Variants in SLC7A8 observed in about 807,000 individuals in gnomAD.
SLC7A8 encodes the protein solute carrier family 7 member 8, also known as large neutral amino acids transporter small subunit 2.
Under a neutral mutation model 51.2 loss-of-function variants are expected in SLC7A8, and 30 were observed. The ratio of observed to expected loss-of-function variants is 0.59; its 90% confidence interval spans 0.44 to 0.80. SLC7A8 has a LOEUF of 0.80. Ranked by LOEUF, SLC7A8 falls within the 30% of genes least tolerant of loss-of-function variation. SLC7A8 has a pLI of 0.00. For synonymous variants in SLC7A8, 257 were observed against 275.8 expected (o/e 0.93, Z 0.67); for missense variants, 612 against 674.4 (o/e 0.91, Z 1.03).
chr14:23,178,753 A>C (rs904090766), intron 1 of SLC7A8, among the ~76,000 whole-genome samples: 4 of 150,210 alleles, frequency 2.7e-5, no homozygotes, highest in Non-Finnish European at 4.4e-5. Context: ...GTCTCTAAAA[A>C]AAATTAAAAA....
chr14:23,161,478 G>C (rs969243983), intron 3 of SLC7A8, among the ~76,000 whole-genome samples: 1 of 79,824 alleles, frequency 1.3e-5, no homozygotes, highest in Non-Finnish European at 4.0e-5. Context: ...ATATGTTTAC[G>C]CCACACCGGA....
intron 3 of SLC7A8, among the ~76,000 whole-genome samples, chr14:23,144,341 ATTT>A (rs67517828): frequency 0.051 from 5,842 of 114,006 alleles, 423 homozygotes; most frequent in African/African-American, 0.17. Flanking sequence ...TTTAAACACA[ATTT>A]TTTTTTTTTT....
rs932424496 is a variant in SLC7A8 at position 23,155,513 on chromosome 14, G to A, written c.508+9772C>T. ...ATACCCAGCTCAGCATTTTCCAAGA[G>A]CTGAGTAGTTCTCTCTTCAGCATGA... On this transcript the variant is annotated intron_variant, in intron 3 of 10. Transcript: ENST00000316902. 1.8e-5 allele frequency: 25 copies of A among 1,379,512 alleles called. No individual in the cohort carries two copies. The African/African-American group carries it at 3.7e-4, about 20-fold the overall frequency. The allele number at this position is 1,379,512 out of a possible 1,614,324, so 85.5% of individuals were successfully genotyped here.
rs1319916247 is a variant in SLC7A8, at chr14:23,183,497, C to A, written c.-583G>T. ...TTGCTCTAGATCTGGTTTCCACCTGCTTTGGGTTTCTTTTCCCTTCCCCGT... is the reference window on the plus strand; with the variant it reads ...TTGCTCTAGATCTGGTTTCCACCTGATTTGGGTTTCTTTTCCCTTCCCCGT... On this transcript the variant is annotated 5_prime_UTR_variant, in exon 1 of 11. Transcript: ENST00000316902. 1 of 152,186 alleles carries A rather than the reference C, an allele frequency of 6.6e-6. No homozygotes were observed. Among genetic ancestry groups the A allele is most frequent in the Non-Finnish European group, 1.5e-5 (1 of 68,088 alleles). 9.4% of individuals were successfully genotyped at this position (152,186 alleles called of 1,614,324 possible). A position where few individuals can be genotyped will look rare whatever the true frequency, so the allele number is the denominator to read the frequency against.
At position 23,128,999 on chromosome 14, in the gene SLC7A8, A is replaced by T. The variant is rs2140300078; in HGVS notation, c.1263+651T>A. On this transcript the variant is annotated intron_variant, in intron 9 of 10. Transcript: ENST00000316902. The surrounding 1 kb of genome is among the most constrained non-coding windows in gnomAD (Gnocchi z 4.3). ...GTTTCTAGAATAGGATTGTTCAAAT[A>T]GCTCTGGAGTACACTCTATTCTTCT... 6.6e-6 allele frequency among the ~76,000 whole-genome samples: 1 copy of T among 152,366 alleles called. No homozygotes were observed. Among genetic ancestry groups the T allele is most frequent in the Admixed American group, 6.5e-5 (1 of 15,308 alleles).
chr14:23,154,288 T>C, intron 3 of SLC7A8: 1 of 1,000,348 alleles, frequency 1.0e-6, no homozygotes, highest in Non-Finnish European at 1.2e-6. Flanking sequence ...TTCTCTGCCT[T>C]CTGCCACGCT....
rs2048581686 is a variant in SLC7A8, at chr14:23,126,876, G to C, written c.*301C>G. ...TCCGGTTCCTGAAGAGGCAGCTGAG[G>C]GTGTGGCCCGGAGGGAGGTCCTGCA... is the stretch of plus-strand genomic sequence containing the variant. On this transcript the variant is annotated 3_prime_UTR_variant, in exon 11 of 11. Transcript: ENST00000316902. The C allele has an allele frequency of 7.0e-6, 3 of 426,172 alleles. No individual in the cohort carries two copies. Among genetic ancestry groups the C allele is most frequent in the South Asian group, 6.0e-5 (2 of 33,460 alleles). The allele number at this position is 426,172 out of a possible 1,614,324, so 26.4% of individuals were successfully genotyped here.
chr14:23,174,295 A>G (rs998623952), intron 1 of SLC7A8, among the ~76,000 whole-genome samples: 3 of 152,256 alleles, frequency 2.0e-5, no homozygotes, highest in Non-Finnish European at 4.4e-5. Flanking sequence ...GCACCTTTAA[A>G]ACGTGGAGAC....
intron 1 of SLC7A8, among the ~76,000 whole-genome samples, chr14:23,181,280 A>T (rs538674546): frequency 1.7e-4 from 26 of 152,336 alleles, no homozygotes; most frequent in Non-Finnish European, 3.1e-4. Flanking sequence ...GAGATAAAGT[A>T]AAGGAGAGGC....
intron 7 of SLC7A8, 148 bp downstream of exon 7, chr14:23,137,773 G>T: frequency 1.1e-6 from 1 of 928,582 alleles, no homozygotes; most frequent in Non-Finnish European, 1.6e-6. Context: ...TGACACACAC[G>T]CCCTCATGTG....
At position 23,151,939 on chromosome 14, in the gene SLC7A8, T is replaced by C. The variant is rs910292334; in HGVS notation, c.509-8735A>G. Among the ~76,000 whole-genome samples the C allele has an allele frequency of 4.0e-5, 6 of 151,698 alleles. No homozygotes were observed. In the South Asian group the frequency reaches 1.3e-3, roughly 32 times the overall value. On this transcript the variant is annotated intron_variant, in intron 3 of 10. Transcript: ENST00000316902. The stretch of plus-strand genomic sequence containing the variant: ...ATTAGCATGCCTGTAATGCCAGCTA[T>C]TCGGGAGGCTGAGAATCACTTGAAC...
chr14:23,154,117 A>C, intron 3 of SLC7A8: 1 of 343,560 alleles, frequency 2.9e-6, no homozygotes, highest in Non-Finnish European at 4.1e-6. Flanking sequence ...CAGTGACGCC[A>C]CTTTGTAGAA....
Position 23,129,731 on chromosome 14 carries a change from G to C in SLC7A8, c.1182C>G (p.Ile394Met). Reference sequence around the variant, plus strand: ...CCGTGACCCCATAGAAGAGGTAGTTGATGAAGCCCACATAGTTGATGAGTG... The same window carrying C: ...CCGTGACCCCATAGAAGAGGTAGTTCATGAAGCCCACATAGTTGATGAGTG... The part of the protein sequence containing the change: ...MYTLINYVGF[I>M]NYLFYGVTVA... The change falls in exon 9 of 11, where the codon ATC becomes ATG. Residue 394 changes from isoleucine (I) to methionine (M), a missense_variant. Physicochemically the swap from Ile to Met is conservative, Grantham distance 10. Coordinates refer to ENST00000316902, the MANE Select transcript of SLC7A8 (RefSeq NM_012244.4). 1.2e-6 allele frequency: 2 copies of C among 1,614,204 alleles called. No homozygotes were observed. The highest frequency in any genetic ancestry group is 4.5e-5 in the East Asian group (2 of 44,880).
intron 5 of SLC7A8, 74 bp downstream of exon 5, chr14:23,140,397 C>A (rs1364953273): frequency 2.0e-6 from 3 of 1,488,564 alleles, no homozygotes; most frequent in African/African-American, 2.8e-5. Flanking sequence ...GCAATGGACA[C>A]CTGCTCCCTC....
At chr14:23,168,130 T>A (rs1428451841) in intron 1 of SLC7A8, among the ~76,000 whole-genome samples, 1 of 152,166 alleles carries the variant, frequency 6.6e-6, no homozygotes, top group Non-Finnish European at 1.5e-5. Flanking sequence ...ATAATAATTA[T>A]CAGGCAAAGA....
Position 23,128,242 on chromosome 14 carries a change from G to A in SLC7A8, c.1264-46C>T, listed in dbSNP as rs1437829308. The A allele has an allele frequency of 2.5e-6, 4 of 1,608,962 alleles. No homozygotes were observed. Among genetic ancestry groups the A allele is most frequent in the East Asian group, 2.2e-5 (1 of 44,798 alleles). ...GCGTATGAACTGTGTAGGCCACGTG[G>A]CCCCCAGGACTAGGGACTGGGGCAT... On this transcript the variant is annotated intron_variant, in intron 9 of 10. Transcript: ENST00000316902. The surrounding 1 kb of genome is among the most constrained non-coding windows in gnomAD (Gnocchi z 4.3).
intron 3 of SLC7A8, among the ~76,000 whole-genome samples, chr14:23,146,383 C>T (rs758463769): frequency 6.6e-6 from 1 of 152,048 alleles, no homozygotes; most frequent in African/African-American, 2.4e-5. Context: ...ATTCCTCCTC[C>T]CCCAAGCAGA....
chr14:23,153,616 G>T (rs2048866233), intron 3 of SLC7A8, among the ~76,000 whole-genome samples: 1 of 152,166 alleles, frequency 6.6e-6, no homozygotes, highest in South Asian at 2.1e-4. Flanking sequence ...CAGAAACCAA[G>T]AAAGGTGCAT....
chr14:23,138,645 G>T (rs1566359654), intron 6 of SLC7A8, among the ~76,000 whole-genome samples: 1 of 152,210 alleles, frequency 6.6e-6, no homozygotes, highest in Non-Finnish European at 1.5e-5. Context: ...CTTAGTCTGA[G>T]AAAGAAAAGG....
Sources: gnomAD v4.1 joint callset for allele counts (sites outside exome capture counted in the v4.1 genomes callset) on GRCh38, gnomAD v4.1.1 for gene constraint, Gnocchi (gnomAD v3.1) non-coding constraint, MANE v1.5 for transcripts, NCBI Gene and HGNC (gene_info 2026-07-23, HGNC 2026-07-21) for gene names.